TRAPPC9: variants seen among roughly 807,000 people sequenced by gnomAD.
TRAPPC9 encodes trafficking protein particle complex subunit 9.
In TRAPPC9, 83 loss-of-function variants were observed where a neutral mutation model predicts 124.0. The ratio of observed to expected loss-of-function variants is 0.67; its 90% confidence interval spans 0.56 to 0.80. The LOEUF is 0.80. Ranked by LOEUF, TRAPPC9 falls within the 30% of genes least tolerant of loss-of-function variation. The pLI, the probability that TRAPPC9 is intolerant of heterozygous loss-of-function variation, is 0.00. For missense variants in TRAPPC9, 1,302 were observed against 1,508.3 expected, an observed-to-expected ratio of 0.86 and a Z score of 2.27; for synonymous variants, 638 against 617.5, an observed-to-expected ratio of 1.03 and a Z score of -0.49.
chr8:140,029,919 A>G (rs1840399047), intron 17 of TRAPPC9, among the ~76,000 whole-genome samples: 2 of 152,170 alleles, frequency 1.3e-5, no homozygotes, highest in East Asian at 3.8e-4. Context: ...AATCAAGTTC[A>G]GTAAAATATA....
At chr8:139,780,215 G>GGA (rs1821707080) in intron 21 of TRAPPC9, among the ~76,000 whole-genome samples, 1 of 152,152 alleles carries the variant, frequency 6.6e-6, no homozygotes, top group African/African-American at 2.4e-5. Context: ...CAATATTGAA[G>GGA]GAGAAGAACA....
At chr8:140,223,422 T>C (rs1177237499) in intron 16 of TRAPPC9, among the ~76,000 whole-genome samples, 1 of 152,144 alleles carries the variant, frequency 6.6e-6, no homozygotes, top group Non-Finnish European at 1.5e-5. Context: ...GTAAACTTGA[T>C]TGGATGGATG....
In TRAPPC9 at chr8:140,400,340, C is replaced by A. The variant is rs116965751; in HGVS notation, c.1009-2595G>T. ...GTATGCATTCATTAAAATAATATGA[C>A]CACAGTAGCTTGCTATTTTGCAAAA... On this transcript the variant is annotated intron_variant, in intron 6 of 22. Coordinates refer to ENST00000438773, the MANE Select transcript of TRAPPC9 (RefSeq NM_001160372.4). Among the ~76,000 whole-genome samples, 102 of 152,314 alleles carry A rather than the reference C, an allele frequency of 6.7e-4. No individual in the cohort carries two copies. In the East Asian group the frequency reaches 0.013, roughly 20 times the overall value.
At chr8:140,280,662 G>C (rs1443842441) in intron 14 of TRAPPC9, among the ~76,000 whole-genome samples, 1 of 151,786 alleles carries the variant, frequency 6.6e-6, no homozygotes, top group Non-Finnish European at 1.5e-5. Context: ...TCCAACTCCT[G>C]ACCTAAGGTG....
At chr8:140,327,239 C>T (rs1200471845) in intron 9 of TRAPPC9, among the ~76,000 whole-genome samples, 1 of 151,614 alleles carries the variant, frequency 6.6e-6, no homozygotes, top group Non-Finnish European at 1.5e-5. Context: ...GGCGACAGGA[C>T]ATCTAAAAAA....
intron 19 of TRAPPC9, among the ~76,000 whole-genome samples, chr8:139,917,918 G>A (rs1832256023): frequency 6.6e-6 from 1 of 152,238 alleles, no homozygotes; most frequent in South Asian, 2.1e-4. Context: ...ACAGCCAGCT[G>A]TGGCCCATGC....
rs554399710 is a variant in TRAPPC9, at chr8:140,011,969, C to T, written c.2699+11968G>A. ...CTAGGATTACAGGCATGAGCCACTG[C>T]GCCAGACAATTTTTGCATTTTTAGT... On this transcript the variant is annotated intron_variant, in intron 18 of 22. Coordinates refer to ENST00000438773, the MANE Select transcript of TRAPPC9 (RefSeq NM_001160372.4). 4.6e-5 allele frequency among the ~76,000 whole-genome samples: 7 copies of T among 152,148 alleles called. No individual in the cohort carries two copies. The East Asian group carries it at 5.8e-4, about 13-fold the overall frequency.
chr8:140,206,348 G>A (rs1025586900), intron 17 of TRAPPC9, among the ~76,000 whole-genome samples: 12 of 152,026 alleles, frequency 7.9e-5, no homozygotes, highest in South Asian at 2.1e-4. Flanking sequence ...GCAGTCTTAC[G>A]TTTGCTTTCT....
chr8:140,054,178 G>A (rs1842166577), intron 17 of TRAPPC9, among the ~76,000 whole-genome samples: 1 of 152,176 alleles, frequency 6.6e-6, no homozygotes, highest in African/African-American at 2.4e-5. Context: ...CAAAAGTGGG[G>A]AGGTCAAGGG....
intron 19 of TRAPPC9, among the ~76,000 whole-genome samples, chr8:139,946,373 T>C (rs190340626): frequency 6.6e-6 from 1 of 152,346 alleles, no homozygotes; most frequent in Non-Finnish European, 1.5e-5. Context: ...GAACGAGGCA[T>C]GGCCAGGTGT....
intron 7 of TRAPPC9, among the ~76,000 whole-genome samples, chr8:140,376,873 CAAA>C (rs36002702): frequency 8.0e-5 from 9 of 112,840 alleles, no homozygotes; most frequent in Admixed American, 1.8e-4. Context: ...GGCTCCATCT[CAAA>C]AAAAAAAAAA....
chr8:140,041,423 A>AT (rs560819783), intron 17 of TRAPPC9, among the ~76,000 whole-genome samples: 245 of 152,294 alleles, frequency 1.6e-3, no homozygotes, highest in African/African-American at 5.6e-3. Context: ...AGATTAAATG[A>AT]TTTTTTCCAC....
At chr8:140,206,155 A>G (rs2062912507) in intron 17 of TRAPPC9, among the ~76,000 whole-genome samples, 1 of 152,216 alleles carries the variant, frequency 6.6e-6, no homozygotes, top group Admixed American at 6.5e-5. Flanking sequence ...AAAAAATATG[A>G]TCATCTCAAA....
intron 17 of TRAPPC9, among the ~76,000 whole-genome samples, chr8:140,121,858 T>C (rs781217669): frequency 6.6e-6 from 1 of 151,906 alleles, no homozygotes; most frequent in Non-Finnish European, 1.5e-5. Context: ...ATCCCTACCC[T>C]CTGGTGTTCA....
chr8:139,958,423 G>A (rs921749133), intron 19 of TRAPPC9, among the ~76,000 whole-genome samples: 4 of 152,086 alleles, frequency 2.6e-5, no homozygotes, highest in African/African-American at 7.2e-5. Flanking sequence ...AGTCTTTGCC[G>A]ACCCCAGTTT....
chr8:139,754,142 G>GC lies in TRAPPC9; in HGVS notation c.3056-21941dup, dbSNP rs760830209. On this transcript the variant is annotated intron_variant, in intron 21 of 22. Transcript: ENST00000438773. Reference sequence around the variant, plus strand: ...CCACCATTAGATTGAAACAGCCAAGGCCCCCCCAGCCTGCTGCTGCTCCAT... The same window carrying GC: ...CCACCATTAGATTGAAACAGCCAAGGCCCCCCCCAGCCTGCTGCTGCTCCAT... 2.1e-3 allele frequency among the ~76,000 whole-genome samples: 312 copies of GC among 152,138 alleles called. 1 individual carries two copies. The highest frequency in any genetic ancestry group is 2.7e-3 in the Non-Finnish European group (186 of 67,994).
At chr8:140,431,865 T>C (rs2070657973) in intron 4 of TRAPPC9, among the ~76,000 whole-genome samples, 1 of 152,136 alleles carries the variant, frequency 6.6e-6, no homozygotes, top group Non-Finnish European at 1.5e-5. Context: ...TCTTTTCAGC[T>C]TTAAGGTGCT....
chr8:139,789,417 T>A (rs1333018701), intron 21 of TRAPPC9, among the ~76,000 whole-genome samples: 2 of 152,186 alleles, frequency 1.3e-5, no homozygotes, highest in Non-Finnish European at 2.9e-5. Context: ...TGTGTGGTTA[T>A]CACAGCAGCA....
rs1254207386 is a variant in TRAPPC9 at position 139,784,616 on chromosome 8, T to A, written c.3056-52414A>T. On this transcript the variant is annotated intron_variant, in intron 21 of 22. Transcript: ENST00000438773. ...AATAAATAAAAGACTGACATATATA[T>A]ATATATATATATATATATATATATA... Among the ~76,000 whole-genome samples the A allele has an allele frequency of 4.7e-4, 49 of 103,894 alleles. 1 individual carries two copies. The highest frequency in any genetic ancestry group is 1.6e-3 in the African/African-American group (47 of 29,324). 68.2% of individuals were successfully genotyped at this position (103,894 alleles called of 152,430 possible).
Sources: allele counts gnomAD v4.1 joint callset (sites outside exome capture counted in the v4.1 genomes callset), GRCh38; gene constraint gnomAD v4.1.1; transcripts MANE v1.5; gene names NCBI Gene and HGNC (gene_info 2026-07-23, HGNC 2026-07-21).